The following FAM169A variants were observed in gnomAD, a reference collection of about 807,000 sequenced individuals.
FAM169A encodes the protein family with sequence similarity 169 member A, also known as soluble lamin-associated protein of 75 kDa.
Under a neutral mutation model 75.7 loss-of-function variants are expected in FAM169A, and 24 were observed. The ratio of observed to expected loss-of-function variants is 0.32; its 90% confidence interval spans 0.23 to 0.45. The LOEUF is 0.45. Among genes scored for constraint, FAM169A ranks in the 20% least tolerant of loss-of-function variants. FAM169A has a pLI of 1.00. For missense variants in FAM169A, 673 were observed against 784.0 expected (o/e 0.86, Z 1.69); for synonymous variants, 271 against 271.0 (o/e 1.00, Z 0.00).
rs553702490 is a variant in FAM169A, at chr5:74,846,862, G to C, written c.-3-5183C>G. On this transcript the variant is annotated intron_variant, in intron 1 of 12. Coordinates refer to ENST00000687041, the MANE Select transcript of FAM169A (RefSeq NM_001376049.1). ...TTACAGGTGTTAGCCACTGTGCGTG[G>C]TCCTAAGAGGCTTTAGATAAGAGTG... Among the ~76,000 whole-genome samples, 40 of 152,258 alleles carry C rather than the reference G, an allele frequency of 2.6e-4. 1 individual carries two copies. The highest frequency in any genetic ancestry group is 8.9e-4 in the African/African-American group (37 of 41,564).
intron 11 of FAM169A, among the ~76,000 whole-genome samples, chr5:74,789,777 G>A (rs914025567): frequency 2.0e-5 from 3 of 152,050 alleles, no homozygotes; most frequent in Admixed American, 6.5e-5. Context: ...GCTGTTTGGA[G>A]CCTTTGGCAG....
intron 4 of FAM169A, among the ~76,000 whole-genome samples, chr5:74,835,854 T>C (rs1406860577): frequency 6.6e-6 from 1 of 152,160 alleles, no homozygotes; most frequent in East Asian, 1.9e-4. Context: ...AATTCTTCCT[T>C]ATTCAGAGCT....
At chr5:74,840,308 C>T (rs983966879) in intron 2 of FAM169A, 135 bp from the exon 3 acceptor site, 5 of 449,416 alleles carry the variant, frequency 1.1e-5, no homozygotes, top group Non-Finnish European at 2.0e-5. Flanking sequence ...TATTTCTAGT[C>T]TCTAAAAAAA....
chr5:74,864,635 C>A (rs1047452594), intron 1 of FAM169A, among the ~76,000 whole-genome samples: 1 of 152,196 alleles, frequency 6.6e-6, no homozygotes, highest in African/African-American at 2.4e-5. Context: ...AGGTAAAACA[C>A]CTTAATTTAT....
chr5:74,804,467 A>G, intron 8 of FAM169A, 26 bp downstream of exon 8: 2 of 1,227,052 alleles, frequency 1.6e-6, no homozygotes, highest in Non-Finnish European at 2.3e-6. Flanking sequence ...TATATACAAC[A>G]ATAAACATAT....
At chr5:74,835,601 CAAAAAAAAAA>C (rs35800429) in intron 4 of FAM169A, among the ~76,000 whole-genome samples, 2 of 59,154 alleles carry the variant, frequency 3.4e-5, no homozygotes, top group African/African-American at 5.8e-5. Flanking sequence ...GACTGTGTCT[CAAAAAAAAAA>C]AAAAAAAAAA....
At chr5:74,801,529 A>C in intron 9 of FAM169A, 61 bp downstream of exon 9, 1 of 1,277,182 alleles carries the variant, frequency 7.8e-7, no homozygotes, top group Non-Finnish European at 1.1e-6. Flanking sequence ...GCACACACAC[A>C]CACACAGCCC....
chr5:74,860,954 G>A lies in FAM169A; in HGVS notation c.-4+5211C>T, dbSNP rs566290371. On this transcript the variant is annotated intron_variant, in intron 1 of 12. Transcript: ENST00000687041. ...AGTTTGAGACCAGCCTGGCCAACAT[G>A]GTGAAACCCCGTATCTACTAAAAAG... 4.0e-3 allele frequency among the ~76,000 whole-genome samples: 607 copies of A among 151,820 alleles called. 2 individuals are homozygous for A. Among genetic ancestry groups the A allele is most frequent in the African/African-American group, 0.014 (585 of 41,414 alleles).
chr5:74,821,605 C>T (rs1447056770), intron 5 of FAM169A, among the ~76,000 whole-genome samples: 1 of 152,182 alleles, frequency 6.6e-6, no homozygotes, highest in Non-Finnish European at 1.5e-5. Context: ...AGTCTTCATG[C>T]TCTATAAATT....
At chr5:74,801,392 G>GT (rs1389105486) in intron 9 of FAM169A, among the ~76,000 whole-genome samples, 198 bp downstream of exon 9, 2 of 152,110 alleles carry the variant, frequency 1.3e-5, no homozygotes, top group Admixed American at 6.6e-5. Context: ...GAAGAGAGAG[G>GT]TACAATAGCT....
intron 9 of FAM169A, 43 bp from the exon 10 acceptor site, chr5:74,801,073 T>G (rs371565537): frequency 1.8e-5 from 26 of 1,421,708 alleles, no homozygotes; most frequent in Middle Eastern, 1.9e-4. Flanking sequence ...TGATTATATA[T>G]TAAAAGGACT....
Position 74,785,997 on chromosome 5 carries a change from C to T in FAM169A, c.1261-2863G>A, listed in dbSNP as rs537159864. Among the ~76,000 whole-genome samples the T allele has an allele frequency of 3.9e-5, 6 of 152,266 alleles. No individual in the cohort carries two copies. The South Asian group carries it at 6.2e-4, about 16-fold the overall frequency. ...GAGTCAGTGGACTGGGAGAGGCAGA[C>T]GCACCCTCAATCTGGGTGGGCACCA... On this transcript the variant is annotated intron_variant, in intron 11 of 12. Transcript: ENST00000687041.
intron 5 of FAM169A, among the ~76,000 whole-genome samples, chr5:74,821,602 A>G (rs1267483408): frequency 6.6e-6 from 1 of 152,222 alleles, no homozygotes; most frequent in African/African-American, 2.4e-5. Flanking sequence ...TACAGTCTTC[A>G]TGCTCTATAA....
At chr5:74,829,209 GTAAGTTTTTGTTACACA>G (rs1748187463) in intron 5 of FAM169A, among the ~76,000 whole-genome samples, 1 of 152,060 alleles carries the variant, frequency 6.6e-6, no homozygotes, top group Non-Finnish European at 1.5e-5. Flanking sequence ...ATTTTTGCAG[GTAAGTTTTTGTTACACA>G]TGAAGTACTC....
At chr5:74,866,681 G>A (rs1024010121), upstream of FAM169A, 1 of 910,510 alleles carries the variant, frequency 1.1e-6, no homozygotes. Flanking sequence ...CCTTGGCTTA[G>A]ATATAAAAAT....
chr5:74,853,981 G>A (rs1749579262), intron 1 of FAM169A, among the ~76,000 whole-genome samples: 1 of 151,778 alleles, frequency 6.6e-6, no homozygotes, highest in African/African-American at 2.4e-5. Flanking sequence ...GAAGTAAAAT[G>A]CCTACCCAAT....
intron 11 of FAM169A, among the ~76,000 whole-genome samples, chr5:74,790,751 T>G (rs1745932889): frequency 1.3e-5 from 2 of 152,214 alleles, no homozygotes; most frequent in South Asian, 4.1e-4. Flanking sequence ...TCACCAAGGC[T>G]GACCTGGCTA....
At chr5:74,836,283 C>T (rs1748569194) in intron 4 of FAM169A, among the ~76,000 whole-genome samples, 1 of 152,122 alleles carries the variant, frequency 6.6e-6, no homozygotes, top group South Asian at 2.1e-4. Context: ...ATAGGTATTA[C>T]ATTTCTCCCT....
chr5:74,782,029 C>G (rs1237936119), intron 12 of FAM169A, 21 bp from the exon 13 acceptor site: 1 of 1,574,574 alleles, frequency 6.4e-7, no homozygotes, highest in East Asian at 2.3e-5. Context: ...AAAACCTGGT[C>G]AACAAATAAA....
Sources: gnomAD v4.1 joint callset for allele counts (sites outside exome capture counted in the v4.1 genomes callset) on GRCh38, gnomAD v4.1.1 for gene constraint, MANE v1.5 for transcripts, NCBI Gene and HGNC (gene_info 2026-07-23, HGNC 2026-07-21) for gene names.